The following DLG2 variants were observed in gnomAD, a reference collection of about 807,000 sequenced individuals.
DLG2 encodes the protein discs large MAGUK scaffold protein 2.
DLG2 carries 45 observed loss-of-function variants against 132.5 expected under a neutral mutation model. That is an observed-to-expected ratio of 0.34 (90% confidence interval 0.27 to 0.44). The LOEUF is 0.44. Among genes scored for constraint, DLG2 ranks in the 20% least tolerant of loss-of-function variants. The pLI, the probability that DLG2 is intolerant of heterozygous loss-of-function variation, is 1.00. For synonymous variants in DLG2, 424 were observed against 419.6 expected (o/e 1.01, Z -0.13); for missense variants, 1,045 against 1,196.9 (o/e 0.87, Z 1.87).
At chr11:84,316,289 C>A (rs1431428598) in intron 7 of DLG2, among the ~76,000 whole-genome samples, 1 of 151,980 alleles carries the variant, frequency 6.6e-6, no homozygotes, top group Admixed American at 6.6e-5. Context: ...ATAATTATTC[C>A]TTTTCTTTGT....
chr11:84,109,470 A>G (rs1356283294), intron 9 of DLG2, among the ~76,000 whole-genome samples: 1 of 152,208 alleles, frequency 6.6e-6, no homozygotes, highest in African/African-American at 2.4e-5. Flanking sequence ...ATTGAGTCAG[A>G]AAGCAAGGAG....
intron 6 of DLG2, among the ~76,000 whole-genome samples, chr11:84,562,402 A>C (rs2099430330): frequency 6.6e-6 from 1 of 152,158 alleles, no homozygotes; most frequent in South Asian, 2.1e-4. Flanking sequence ...GAGGAGTCCA[A>C]TTCAAATTTC....
At chr11:84,895,895 C>T (rs1401218140) in intron 6 of DLG2, among the ~76,000 whole-genome samples, 1 of 152,116 alleles carries the variant, frequency 6.6e-6, no homozygotes, top group Non-Finnish European at 1.5e-5. Context: ...CCTGTCAGTG[C>T]ATGTAGGTGT....
rs574329123 is a variant in DLG2 at position 85,444,147 on chromosome 11, T to C, written c.40+154510A>G. Among the ~76,000 whole-genome samples, 108 of 152,260 alleles carry C rather than the reference T, an allele frequency of 7.1e-4. 1 individual carries two copies. Among genetic ancestry groups the C allele is most frequent in the Admixed American group, 7.0e-3 (107 of 15,298 alleles). Reference sequence around the variant, plus strand: ...CCTACTACCTCAATGTGTTTTACAGTGGAAAATTTTAACTCCAACTTAAAA... The same window carrying C: ...CCTACTACCTCAATGTGTTTTACAGCGGAAAATTTTAACTCCAACTTAAAA... On this transcript the variant is annotated intron_variant, in intron 3 of 27. Coordinates refer to ENST00000376104, the MANE Select transcript of DLG2 (RefSeq NM_001142699.3).
chr11:84,079,796 C>T (rs536684407), intron 10 of DLG2, among the ~76,000 whole-genome samples: 64 of 152,298 alleles, frequency 4.2e-4, no homozygotes, highest in African/African-American at 1.5e-3. Flanking sequence ...GCCACCTCTC[C>T]ACCTTCACCT....
intron 14 of DLG2, among the ~76,000 whole-genome samples, chr11:83,951,467 C>T (rs975303920): frequency 2.6e-5 from 4 of 152,020 alleles, no homozygotes; most frequent in African/African-American, 7.2e-5. Flanking sequence ...AAAGGGTGAT[C>T]GTGGATGGCT....
intron 7 of DLG2, among the ~76,000 whole-genome samples, chr11:84,435,276 T>C (rs892896876): frequency 2.6e-5 from 4 of 152,148 alleles, no homozygotes; most frequent in Non-Finnish European, 4.4e-5. Flanking sequence ...AAAAATTAAT[T>C]TAAAATTATA....
chr11:84,545,308 T>G (rs901845379), intron 6 of DLG2: 4 of 509,030 alleles, frequency 7.9e-6, no homozygotes, highest in South Asian at 6.1e-5. Context: ...GCTGCCAAAA[T>G]CACTGTAGCT....
chr11:85,388,558 TAAAAA>T (rs1388698828), intron 3 of DLG2, among the ~76,000 whole-genome samples: 1 of 151,906 alleles, frequency 6.6e-6, no homozygotes, highest in East Asian at 1.9e-4. Context: ...CCAGAGCACT[TAAAAA>T]AGACACAAGC....
intron 11 of DLG2, among the ~76,000 whole-genome samples, chr11:83,995,093 A>G (rs997846913): frequency 1.3e-5 from 2 of 151,816 alleles, no homozygotes; most frequent in African/African-American, 2.4e-5. Flanking sequence ...GGTCATATAC[A>G]TAGGAATGGG....
chr11:84,125,733 A>G (rs1407254346), intron 9 of DLG2, among the ~76,000 whole-genome samples: 1 of 152,240 alleles, frequency 6.6e-6, no homozygotes, highest in Non-Finnish European at 1.5e-5. Context: ...ATCACCATAG[A>G]GGACACATAA....
intron 3 of DLG2, among the ~76,000 whole-genome samples, chr11:85,588,460 A>G (rs1305541450): frequency 6.6e-6 from 1 of 152,102 alleles, no homozygotes; most frequent in African/African-American, 2.4e-5. Context: ...TACTCATTCA[A>G]CATCATTGTT....
intron 6 of DLG2, among the ~76,000 whole-genome samples, chr11:85,049,440 A>G (rs947980014): frequency 7.2e-6 from 1 of 139,584 alleles, no homozygotes; most frequent in Non-Finnish European, 1.7e-5. Flanking sequence ...TTGCTATATC[A>G]TTAGATAAAA....
At chr11:83,597,222 A>C (rs936688531) in intron 19 of DLG2, among the ~76,000 whole-genome samples, 1 of 152,204 alleles carries the variant, frequency 6.6e-6, no homozygotes, top group African/African-American at 2.4e-5. Flanking sequence ...GAGCGGGATC[A>C]AGAGACATCA....
intron 18 of DLG2, among the ~76,000 whole-genome samples, chr11:83,638,318 T>C (rs2065399928): frequency 6.6e-6 from 1 of 152,190 alleles, no homozygotes; most frequent in African/African-American, 2.4e-5. Flanking sequence ...GTTATGTAGA[T>C]GGAGTCAAAA....
chr11:84,884,519 A>T (rs1035601984), intron 6 of DLG2, among the ~76,000 whole-genome samples: 5 of 152,156 alleles, frequency 3.3e-5, no homozygotes, highest in African/African-American at 9.6e-5. Flanking sequence ...TCCTAAGGAA[A>T]TTCAAAAGCA....
At chr11:84,779,194 G>GCACACA (rs112067471) in intron 6 of DLG2, among the ~76,000 whole-genome samples, 9 of 148,912 alleles carry the variant, frequency 6.0e-5, no homozygotes, top group Non-Finnish European at 1.0e-4. Context: ...ATATATGTGC[G>GCACACA]CACACACACA....
At position 84,534,691 on chromosome 11, in the gene DLG2, G is replaced by A. The variant is rs1299306547; in HGVS notation, c.398C>T (p.Ser133Phe). The change falls in exon 7 of 28, where the codon TCC becomes TTC. Residue 133 changes from serine to phenylalanine, a missense_variant. Ser to Phe is a radical substitution (Grantham distance 155). This residue lies in a region of DLG2 where 277 missense variants were observed against 238.2 expected (regional missense o/e 1.16). Transcript: ENST00000376104. ...YQDEDAPHDH[S>F]LPRLTHEVRG... ...TACTTCGTGGGTTAGTCGAGGTAAG[G>A]AATGATCATGTGGAGCGTCCTCATC... 2.5e-6 allele frequency: 4 copies of A among 1,614,026 alleles called. No homozygotes were observed. Among genetic ancestry groups the A allele is most frequent in the Non-Finnish European group, 3.4e-6 (4 of 1,179,928 alleles).
At chr11:85,172,257 G>C (rs1333481715) in intron 4 of DLG2, among the ~76,000 whole-genome samples, 9 of 152,244 alleles carry the variant, frequency 5.9e-5, no homozygotes, top group Admixed American at 2.6e-4. Context: ...AGAGGAAGGA[G>C]AAGGCTACCC....
Sources: gnomAD v4.1 joint callset for allele counts (sites outside exome capture counted in the v4.1 genomes callset) on GRCh38, gnomAD v4.1.1 for gene constraint, gnomAD v4.1.1 regional missense constraint, MANE v1.5 for transcripts, NCBI Gene and HGNC (gene_info 2026-07-23, HGNC 2026-07-21) for gene names.